The following UTRN variants were observed in gnomAD, a reference collection of about 807,000 sequenced individuals.
UTRN encodes the protein dystrophin-related protein 1.
Under a neutral mutation model 463.9 loss-of-function variants are expected in UTRN, and 283 were observed. The observed-to-expected ratio is 0.61, with a 90% CI of 0.55 to 0.67. The LOEUF is 0.67. Ranked by LOEUF, UTRN falls within the 30% of genes least tolerant of loss-of-function variation. The probability of loss-of-function intolerance (pLI) is 0.00; values close to 1 mark genes in which losing one functional copy is unlikely to be tolerated. For synonymous variants in UTRN, 1,442 were observed against 1,431.5 expected, an observed-to-expected ratio of 1.01 and a Z score of -0.17; for missense variants, 3,922 against 4,084.3, an observed-to-expected ratio of 0.96 and a Z score of 1.08.
At chr6:144,668,356 G>T (rs1780643011) in intron 51 of UTRN, among the ~76,000 whole-genome samples, 1 of 152,112 alleles carries the variant, frequency 6.6e-6, no homozygotes, top group Non-Finnish European at 1.5e-5. Context: ...GCATGGGTGT[G>T]CTTACTAGGA....
intron 56 of UTRN, among the ~76,000 whole-genome samples, 168 bp from the exon 57 acceptor site, chr6:144,754,552 T>TTA (rs1554373247): frequency 6.7e-6 from 1 of 150,346 alleles, no homozygotes. Flanking sequence ...TTTTTTTTTT[T>TTA]ACCATTACTC....
intron 58 of UTRN, among the ~76,000 whole-genome samples, chr6:144,766,899 A>G (rs562719872): frequency 3.9e-5 from 6 of 152,160 alleles, no homozygotes; most frequent in African/African-American, 1.4e-4. Flanking sequence ...TTTTTAAGAA[A>G]TCATTGGGAA....
intron 2 of UTRN, among the ~76,000 whole-genome samples, chr6:144,329,972 T>TA (rs1445399566): frequency 4.0e-4 from 61 of 152,280 alleles, no homozygotes; most frequent in African/African-American, 1.4e-3. Flanking sequence ...TGTAGACTAG[T>TA]ACGAGAACCA....
chr6:144,839,145 C>G (rs1781345336), intron 71 of UTRN, 28 bp from the exon 72 acceptor site: 3 of 1,557,750 alleles, frequency 1.9e-6, no homozygotes, highest in African/African-American at 1.4e-5. Flanking sequence ...AATCCTTTCT[C>G]TGCTTTAACC....
At chr6:144,430,143 A>AT (rs552617926) in intron 9 of UTRN, among the ~76,000 whole-genome samples, 2 of 151,544 alleles carry the variant, frequency 1.3e-5, no homozygotes, top group Admixed American at 6.6e-5. Context: ...TTGAGAAAAG[A>AT]TTTTTTTTCC....
intron 13 of UTRN, among the ~76,000 whole-genome samples, chr6:144,441,380 C>T (rs755093429): frequency 9.9e-5 from 15 of 152,220 alleles, no homozygotes; most frequent in Non-Finnish European, 2.1e-4. Context: ...GGGCTACAGT[C>T]CCCATTCAAG....
intron 34 of UTRN, among the ~76,000 whole-genome samples, chr6:144,504,630 C>T (rs1478215491): frequency 1.3e-5 from 2 of 152,190 alleles, no homozygotes; most frequent in Admixed American, 1.3e-4. Flanking sequence ...GGTGGATACA[C>T]TTTTTGATAT....
chr6:144,664,340 G>A (rs992454620), intron 51 of UTRN, among the ~76,000 whole-genome samples: 3 of 152,200 alleles, frequency 2.0e-5, no homozygotes, highest in African/African-American at 2.4e-5. Context: ...TTTGAAATGC[G>A]ATAATTTTTC....
chr6:144,462,674 G>T lies in UTRN; in HGVS notation c.2874G>T (p.Glu958Asp). 2 of 1,600,694 alleles carry T rather than the reference G, an allele frequency of 1.2e-6. No homozygotes were observed. The highest frequency in any genetic ancestry group is 2.3e-5 in the South Asian group (2 of 87,234). ...TCCAGACCCTTGATGAAATCCTTGA[G>T]AATCAGAAACCTGCATTACATAAAC... ...QEKKTLDEIL[E>D]NQKPALHKLA... The change falls in exon 23 of 75, where the codon GAG becomes GAT. Residue 958 changes from glutamate (E) to aspartate (D), a missense_variant. Physicochemically the swap from Glu to Asp is conservative, Grantham distance 45 (BLOSUM62 2). Coordinates refer to ENST00000367545, the MANE Select transcript of UTRN (RefSeq NM_007124.3).
chr6:144,290,434 A>G (rs796712099), intron 1 of UTRN, among the ~76,000 whole-genome samples: 1 of 152,272 alleles, frequency 6.6e-6, no homozygotes, highest in African/African-American at 2.4e-5. Context: ...CACAGTCTAG[A>G]TTTGTCTGCT....
intron 2 of UTRN, among the ~76,000 whole-genome samples, chr6:144,306,284 G>C (rs959875575): frequency 6.6e-5 from 10 of 152,164 alleles, no homozygotes; most frequent in African/African-American, 2.4e-4. Flanking sequence ...GAGCATGGAT[G>C]GTGTGGGGTG....
At chr6:144,689,959 A>G (rs1322563977) in intron 52 of UTRN, among the ~76,000 whole-genome samples, 1 of 151,724 alleles carries the variant, frequency 6.6e-6, no homozygotes, top group Non-Finnish European at 1.5e-5. Flanking sequence ...GCACTTGGAA[A>G]AGGGCACTGG....
At chr6:144,531,769 T>C (rs780446960) in intron 42 of UTRN, among the ~76,000 whole-genome samples, 1 of 152,206 alleles carries the variant, frequency 6.6e-6, no homozygotes, top group Non-Finnish European at 1.5e-5. Context: ...ATTTTCTCTT[T>C]TATTAAGTTT....
At chr6:144,578,805 T>C (rs1378970017) in intron 51 of UTRN, among the ~76,000 whole-genome samples, 3 of 152,236 alleles carry the variant, frequency 2.0e-5, no homozygotes, top group African/African-American at 7.2e-5. Context: ...AACTCAGCAT[T>C]GAAACCTTTT....
At chr6:144,351,047 T>C (rs1778064765) in intron 2 of UTRN, among the ~76,000 whole-genome samples, 3 of 152,220 alleles carry the variant, frequency 2.0e-5, no homozygotes, top group Admixed American at 2.0e-4. Flanking sequence ...GATTTATTTA[T>C]GAAAAAAACC....
At chr6:144,572,162 T>C (rs993028239) in intron 50 of UTRN, among the ~76,000 whole-genome samples, 1 of 152,046 alleles carries the variant, frequency 6.6e-6, no homozygotes, top group African/African-American at 2.4e-5. Context: ...AGCCCATACC[T>C]GCTCCAGTTT....
chr6:144,846,784 T>C, intron 73 of UTRN, 21 bp from the exon 74 acceptor site: 2 of 1,614,028 alleles, frequency 1.2e-6, no homozygotes, highest in East Asian at 4.5e-5. Context: ...ATTAAGTGAT[T>C]TCTTTTGTTT....
At chr6:144,844,779 A>G (rs1186110169) in intron 73 of UTRN, among the ~76,000 whole-genome samples, 1 of 152,186 alleles carries the variant, frequency 6.6e-6, no homozygotes, top group Non-Finnish European at 1.5e-5. Flanking sequence ...AACAAATCGG[A>G]TTGGCACCCT....
chr6:144,756,878 T>C (rs1792050347), intron 57 of UTRN, among the ~76,000 whole-genome samples: 1 of 152,118 alleles, frequency 6.6e-6, no homozygotes, highest in African/African-American at 2.4e-5. Flanking sequence ...ATTTTATCTC[T>C]ACACATTTAG....
Sources: gnomAD v4.1 joint callset for allele counts (sites outside exome capture counted in the v4.1 genomes callset) on GRCh38, gnomAD v4.1.1 for gene constraint, MANE v1.5 for transcripts, NCBI Gene and HGNC (gene_info 2026-07-23, HGNC 2026-07-21) for gene names.